The following NRG4 variants were observed in gnomAD, a reference collection of about 807,000 sequenced individuals.
NRG4 encodes the protein neuregulin 4.
NRG4 carries 10 observed loss-of-function variants against 15.0 expected under a neutral mutation model. The observed-to-expected ratio is 0.67, with a 90% confidence interval of 0.41 to 1.13. NRG4 has a LOEUF of 1.13. Among genes scored for constraint, NRG4 ranks in the 50% most tolerant of loss-of-function variants. NRG4 has a pLI of 0.00. For missense variants in NRG4, 139 were observed against 140.2 expected, an observed-to-expected ratio of 0.99 and a Z score of 0.04; for synonymous variants, 41 against 50.1, an observed-to-expected ratio of 0.82 and a Z score of 0.77.
chr15:75,943,395 T>C lies in NRG4; in HGVS notation c.*243A>G. ...CATCAGCTTTCTGGGGAGAGTCATG[T>C]TGAACCAATGTGACTTCGAATTATA... On this transcript the variant is annotated 3_prime_UTR_variant, in exon 6 of 6. Transcript: ENST00000394907. 1 of 473,128 alleles carries C rather than the reference T, an allele frequency of 2.1e-6. No individual in the cohort carries two copies. The highest frequency in any genetic ancestry group is 3.7e-6 in the Non-Finnish European group (1 of 268,956). The allele number at this position is 473,128 out of a possible 1,614,324, so 29.3% of individuals were successfully genotyped here. A position where few individuals can be genotyped will look rare whatever the true frequency, so the allele number is the denominator to read the frequency against.
At chr15:76,037,955 G>A (rs539706151) in intron 4 of NRG4, among the ~76,000 whole-genome samples, 1 of 152,186 alleles carries the variant, frequency 6.6e-6, no homozygotes, top group South Asian at 2.1e-4. Context: ...CAGAATTGTG[G>A]CCCCCATTCC....
chr15:75,984,320 G>A (rs1192853780), intron 3 of NRG4, among the ~76,000 whole-genome samples: 2 of 152,044 alleles, frequency 1.3e-5, no homozygotes, highest in Admixed American at 6.6e-5. Context: ...TCTCTGTACC[G>A]TCCTCTCAAT....
At chr15:76,052,185 G>A (rs1328671432) in intron 3 of NRG4, 1 of 150,972 alleles carries the variant, frequency 6.6e-6, no homozygotes, top group East Asian at 1.9e-4. Flanking sequence ...CCACTATAAA[G>A]AAATAAGCAA....
At chr15:75,972,262 G>C (rs1030519017) in intron 3 of NRG4, among the ~76,000 whole-genome samples, 1 of 152,112 alleles carries the variant, frequency 6.6e-6, no homozygotes, top group East Asian at 1.9e-4. Flanking sequence ...ATGGATTCTG[G>C]ATATTAGCCC....
intron 4 of NRG4, among the ~76,000 whole-genome samples, chr15:76,039,055 G>A (rs2035666104): frequency 6.6e-6 from 1 of 152,208 alleles, no homozygotes; most frequent in Non-Finnish European, 1.5e-5. Context: ...TACTGGGCTT[G>A]AGGTGCCCCA....
downstream of NRG4, chr15:75,940,735 G>A (rs984940818): frequency 9.9e-5 from 15 of 151,570 alleles, no homozygotes; most frequent in African/African-American, 3.4e-4. Context: ...GCTATTCCAA[G>A]GATAGTTTTT....
intron 3 of NRG4, among the ~76,000 whole-genome samples, chr15:75,976,464 C>G (rs759955464): frequency 4.6e-5 from 7 of 152,180 alleles, no homozygotes; most frequent in Non-Finnish European, 1.0e-4. Flanking sequence ...TTTTCCTCAT[C>G]TTCGTGGATT....
chr15:75,951,156 CTTTTT>C (rs1467984316), intron 5 of NRG4: 1 of 79,258 alleles, frequency 1.3e-5, no homozygotes, highest in African/African-American at 4.8e-5. Flanking sequence ...TTTTCTTTTT[CTTTTT>C]TCTTTTTTTT....
At chr15:75,973,306 G>A (rs1343078693) in intron 3 of NRG4, among the ~76,000 whole-genome samples, 18 of 152,086 alleles carry the variant, frequency 1.2e-4, no homozygotes, top group Non-Finnish European at 2.6e-4. Flanking sequence ...CATGTCATCT[G>A]GAAACCCAGA....
chr15:75,969,912 T>G (rs2033015080), intron 3 of NRG4, among the ~76,000 whole-genome samples: 1 of 152,242 alleles, frequency 6.6e-6, no homozygotes, highest in Non-Finnish European at 1.5e-5. Context: ...ATTCTTAAGG[T>G]GTTTCTAAAG....
intron 4 of NRG4, among the ~76,000 whole-genome samples, chr15:76,045,252 T>C (rs1420868327): frequency 6.6e-6 from 1 of 151,004 alleles, no homozygotes; most frequent in Non-Finnish European, 1.5e-5. Flanking sequence ...TCATCTTACA[T>C]CAGTTAAAAT....
chr15:76,051,006 T>C (rs929016699), intron 4 of NRG4, among the ~76,000 whole-genome samples: 4 of 146,366 alleles, frequency 2.7e-5, no homozygotes, highest in African/African-American at 1.1e-4. Flanking sequence ...TATTTATTTA[T>C]TTTTATTTTT....
chr15:75,960,184 A>G (rs758832265), intron 4 of NRG4, among the ~76,000 whole-genome samples: 1 of 152,246 alleles, frequency 6.6e-6, no homozygotes, highest in African/African-American at 2.4e-5. Flanking sequence ...GATGGAAACT[A>G]TATCTCCAAA....
chr15:75,960,336 A>G (rs2032454556), intron 4 of NRG4, among the ~76,000 whole-genome samples: 1 of 152,186 alleles, frequency 6.6e-6, no homozygotes, highest in East Asian at 1.9e-4. Flanking sequence ...CATAAACCTA[A>G]TTCCAAAGAT....
At chr15:75,943,721 C>A in intron 5 of NRG4, 67 bp from the exon 6 acceptor site, 1 of 965,898 alleles carries the variant, frequency 1.0e-6, no homozygotes, top group Non-Finnish European at 1.6e-6. Flanking sequence ...GCACACCTAT[C>A]TACATGTCTC....
intron 4 of NRG4, among the ~76,000 whole-genome samples, chr15:75,961,383 T>G (rs1426603594): frequency 2.6e-5 from 4 of 152,172 alleles, no homozygotes; most frequent in African/African-American, 9.7e-5. Flanking sequence ...GGGAAACATG[T>G]CTATTTTGTT....
At chr15:75,943,680 A>C in intron 5 of NRG4, 26 bp from the exon 6 acceptor site, 7 of 1,501,746 alleles carry the variant, frequency 4.7e-6, no homozygotes, top group Non-Finnish European at 6.5e-6. Context: ...AAGAATTAAG[A>C]TGCTTTCTCC....
At chr15:76,004,791 T>C (rs2034539912) in intron 3 of NRG4, among the ~76,000 whole-genome samples, 2 of 151,750 alleles carry the variant, frequency 1.3e-5, no homozygotes, top group South Asian at 4.1e-4. Context: ...ATTAGAAAAA[T>C]GGACGAAAAC....
At chr15:76,038,356 T>C (rs1596051709) in intron 4 of NRG4, among the ~76,000 whole-genome samples, 2 of 152,332 alleles carry the variant, frequency 1.3e-5, no homozygotes, top group East Asian at 1.9e-4. Context: ...TTTCTGGACA[T>C]GGCCTGGGCC....
Sources: allele counts gnomAD v4.1 joint callset (sites outside exome capture counted in the v4.1 genomes callset), GRCh38; gene constraint gnomAD v4.1.1; transcripts MANE v1.5; gene names NCBI Gene and HGNC (gene_info 2026-07-23, HGNC 2026-07-21).